PPP2R2B: variants seen among roughly 807,000 people sequenced by gnomAD.
PPP2R2B encodes protein phosphatase 2 regulatory subunit Bbeta, also known as serine/threonine-protein phosphatase 2A 55 kDa regulatory subunit B beta isoform.
PPP2R2B carries 5 observed loss-of-function variants against 46.0 expected under a neutral mutation model. That is an observed-to-expected ratio of 0.11 (90% CI 0.06 to 0.23). The LOEUF (loss-of-function observed/expected upper bound fraction) is 0.23, where lower values mean the gene tolerates loss of function less well. PPP2R2B is among the 10% of genes least tolerant of loss of function. PPP2R2B has a pLI of 1.00. For synonymous variants in PPP2R2B, 215 were observed against 206.7 expected, an observed-to-expected ratio of 1.04 and a Z score of -0.34; for missense variants, 367 against 575.0, an observed-to-expected ratio of 0.64 and a Z score of 3.70.
chr5:147,059,697 C>G (rs1222352061), upstream of PPP2R2B, among the ~76,000 whole-genome samples: 1 of 152,210 alleles, frequency 6.6e-6, no homozygotes, highest in Non-Finnish European at 1.5e-5. Context: ...ATGTCAGGTT[C>G]TGACAGTGGC....
At chr5:146,633,642 T>G (rs1230735927) in intron 7 of PPP2R2B, among the ~76,000 whole-genome samples, 2 of 152,062 alleles carry the variant, frequency 1.3e-5, no homozygotes, top group African/African-American at 4.8e-5. Context: ...GAATAGGGAG[T>G]GGGAGGACAG....
chr5:146,675,374 C>A (rs1440442258), intron 5 of PPP2R2B, among the ~76,000 whole-genome samples: 2 of 152,176 alleles, frequency 1.3e-5, no homozygotes, highest in Non-Finnish European at 2.9e-5. Flanking sequence ...TTCATTCAAT[C>A]TTTGTTTTTA....
At chr5:146,954,598 T>C (rs1268295190) in intron 1 of PPP2R2B, among the ~76,000 whole-genome samples, 2 of 151,966 alleles carry the variant, frequency 1.3e-5, no homozygotes, top group East Asian at 3.9e-4. Flanking sequence ...ATCTCACAAA[T>C]CTCCACCAAA....
At chr5:146,902,643 T>G (rs1031604213) in intron 1 of PPP2R2B, among the ~76,000 whole-genome samples, 5 of 152,214 alleles carry the variant, frequency 3.3e-5, no homozygotes, top group Admixed American at 6.5e-5. Flanking sequence ...ATCCTACTCA[T>G]TTTATTGACA....
intron 2 of PPP2R2B, among the ~76,000 whole-genome samples, chr5:146,740,127 A>G (rs1752778362): frequency 6.6e-6 from 1 of 152,222 alleles, no homozygotes; most frequent in African/African-American, 2.4e-5. Flanking sequence ...TCTAGCTAGA[A>G]AAGACTTCTC....
intron 2 of PPP2R2B, among the ~76,000 whole-genome samples, chr5:146,832,379 C>CTTTTTTTTTTTTTTTTT (rs34269274): frequency 2.8e-5 from 2 of 70,188 alleles, no homozygotes; most frequent in Non-Finnish European, 5.4e-5. Context: ...CATTTTTAAT[C>CTTTTTTTTTTTTTTTTT]TTTTTTTTTT....
In PPP2R2B at chr5:147,062,060, G is replaced by A. The variant is rs527548984; in HGVS notation, c.50+18999C>T. ...TGCCATAATGACATTTCAGTCAACT[G>A]TGGACTGCAAATATGAAGGTGTTCC... On this transcript the variant is annotated intron_variant, in intron 2 of 10. Coordinates refer to the PPP2R2B transcript ENST00000394413. 1.3e-3 allele frequency among the ~76,000 whole-genome samples: 200 copies of A among 152,272 alleles called. 1 individual carries two copies. The highest frequency in any genetic ancestry group is 4.4e-3 in the African/African-American group (184 of 41,564).
At chr5:147,026,619 T>G (rs1466664793) in intron 1 of PPP2R2B, among the ~76,000 whole-genome samples, 1 of 152,096 alleles carries the variant, frequency 6.6e-6, no homozygotes, top group African/African-American at 2.4e-5. Context: ...CTCAACAAAT[T>G]TAAAAAGTCA....
At chr5:146,927,189 T>C (rs1474336143) in intron 1 of PPP2R2B, among the ~76,000 whole-genome samples, 1 of 152,178 alleles carries the variant, frequency 6.6e-6, no homozygotes. Context: ...CTTTGGCTGA[T>C]TTCCAGAGCA....
At chr5:146,729,292 A>G (rs1486803281) in intron 2 of PPP2R2B, among the ~76,000 whole-genome samples, 1 of 152,256 alleles carries the variant, frequency 6.6e-6, no homozygotes, top group Non-Finnish European at 1.5e-5. Flanking sequence ...TATCTGGCAG[A>G]AGAAATTTCT....
intron 5 of PPP2R2B, among the ~76,000 whole-genome samples, chr5:146,670,817 GA>G (rs373164979): frequency 6.6e-6 from 1 of 152,156 alleles, no homozygotes; most frequent in East Asian, 1.9e-4. Context: ...TCTTTAAACT[GA>G]TTTGCTTTTA....
At chr5:146,633,867 C>A (rs965176821) in intron 7 of PPP2R2B, among the ~76,000 whole-genome samples, 2 of 152,204 alleles carry the variant, frequency 1.3e-5, no homozygotes, top group African/African-American at 4.8e-5. Context: ...ATCCTTAGGT[C>A]TCAGCTCAGC....
At chr5:147,061,585 C>G (rs1178474552) in intron 2 of PPP2R2B, among the ~76,000 whole-genome samples, 1 of 152,148 alleles carries the variant, frequency 6.6e-6, no homozygotes, top group Non-Finnish European at 1.5e-5. Context: ...GCAGAGCAGT[C>G]AGGAGTGACT....
At chr5:146,987,159 T>TTAAAC (rs1188384563) in intron 1 of PPP2R2B, among the ~76,000 whole-genome samples, 4 of 152,162 alleles carry the variant, frequency 2.6e-5, no homozygotes, top group Non-Finnish European at 5.9e-5. Flanking sequence ...CTGGCAAAGC[T>TTAAAC]ATCCTTAAAA....
In PPP2R2B at chr5:146,945,550, C is replaced by T. The variant is rs1292309180; in HGVS notation, c.79+110115G>A. On this transcript the variant is annotated intron_variant, in intron 1 of 8. Coordinates refer to the PPP2R2B transcript ENST00000336640. ...TCCCCACTGCAACCCAGAGGCTTTT[C>T]GTAACAAGAAGCTAAAGTTGTGCTG... Among the ~76,000 whole-genome samples, 8 of 152,228 alleles carry T rather than the reference C, an allele frequency of 5.3e-5. No homozygotes were observed. In the Middle Eastern group the frequency reaches 0.01, roughly 194 times the overall value.
chr5:146,767,242 A>G (rs1361990056), intron 2 of PPP2R2B, among the ~76,000 whole-genome samples: 1 of 151,864 alleles, frequency 6.6e-6, no homozygotes, highest in East Asian at 1.9e-4. Context: ...CCCGAGGCCC[A>G]CCCCTTGTCT....
At chr5:146,719,828 A>T (rs1427996015) in intron 2 of PPP2R2B, among the ~76,000 whole-genome samples, 6 of 134,212 alleles carry the variant, frequency 4.5e-5, no homozygotes, top group Admixed American at 7.2e-5. Flanking sequence ...ATAAAGTTTC[A>T]TTTTAAACAA....
intron 1 of PPP2R2B, among the ~76,000 whole-genome samples, chr5:146,968,754 G>A (rs892922759): frequency 5.3e-5 from 8 of 152,156 alleles, no homozygotes; most frequent in Non-Finnish European, 1.0e-4. Flanking sequence ...ATCTTCATGT[G>A]CAAATAAGAC....
chr5:146,901,233 C>G (rs1180224528), intron 1 of PPP2R2B, among the ~76,000 whole-genome samples: 1 of 152,174 alleles, frequency 6.6e-6, no homozygotes, highest in Non-Finnish European at 1.5e-5. Context: ...CAAACAGTGG[C>G]TCACTCCTGT....
Sources: allele counts gnomAD v4.1 joint callset (sites outside exome capture counted in the v4.1 genomes callset), GRCh38; gene constraint gnomAD v4.1.1; transcripts MANE v1.5; gene names NCBI Gene and HGNC (gene_info 2026-07-23, HGNC 2026-07-21).